The following JARID2 variants were observed in gnomAD, a reference collection of about 807,000 sequenced individuals.
JARID2 encodes jumonji and AT-rich interaction domain containing 2.
In JARID2, 21 loss-of-function variants were observed where a neutral mutation model predicts 125.6. The observed-to-expected ratio is 0.17, with a 90% CI of 0.12 to 0.24. The LOEUF is 0.24. JARID2 is among the 10% of genes least tolerant of loss of function. The probability of loss-of-function intolerance (pLI) is 1.00; values close to 1 mark genes in which losing one functional copy is unlikely to be tolerated. For synonymous variants in JARID2, 736 were observed against 661.6 expected, an observed-to-expected ratio of 1.11 and a Z score of -1.73; for missense variants, 1,303 against 1,639.6, an observed-to-expected ratio of 0.79 and a Z score of 3.55.
intron 4 of JARID2, among the ~76,000 whole-genome samples, chr6:15,456,230 A>G (rs1324254241): frequency 6.6e-6 from 1 of 152,252 alleles, no homozygotes; most frequent in Non-Finnish European, 1.5e-5. Flanking sequence ...TTGCGGAGGC[A>G]TGCTTATTTA....
At chr6:15,391,124 G>C (rs1270284736) in intron 2 of JARID2, among the ~76,000 whole-genome samples, 1 of 142,526 alleles carries the variant, frequency 7.0e-6, no homozygotes, top group Non-Finnish European at 1.6e-5. Context: ...GACACCTAAG[G>C]GACGGTTTTC....
intron 1 of JARID2, among the ~76,000 whole-genome samples, chr6:15,294,737 A>G (rs1761346368): frequency 1.3e-5 from 2 of 152,162 alleles, no homozygotes; most frequent in East Asian, 1.9e-4. Context: ...GAACCAATAC[A>G]TTGTACACTT....
Position 15,496,252 on chromosome 6 carries a change from A to G in JARID2, c.1027A>G (p.Thr343Ala), listed in dbSNP as rs1415412278. 1 of 1,614,170 alleles carries G rather than the reference A, an allele frequency of 6.2e-7. No individual in the cohort carries two copies. Residue 343 changes from threonine (T) to alanine (A), a missense_variant, in exon 7 of 18, where the codon ACG becomes GCG. This residue lies in a region of JARID2 where 651 missense variants were observed against 581.6 expected (regional missense o/e 1.12). Transcript: ENST00000341776. ...AACTGTGAAGTACACTGCCACGGTG[A>G]CGAAGGGGGCTGTCACATACACCAA... ...SKTVKYTATV[T>A]KGAVTYTKAK...
chr6:15,278,072 AC>A (rs1760603387), intron 1 of JARID2, among the ~76,000 whole-genome samples: 1 of 151,712 alleles, frequency 6.6e-6, no homozygotes. Flanking sequence ...ACATGGTGAA[AC>A]CCTGTCTCTA....
chr6:15,469,454 A>T (rs1188763850), intron 5 of JARID2, among the ~76,000 whole-genome samples: 2 of 130,678 alleles, frequency 1.5e-5, no homozygotes, highest in African/African-American at 2.9e-5. Context: ...TTCTTTTGTG[A>T]CGGAGTCTCG....
intron 8 of JARID2, among the ~76,000 whole-genome samples, chr6:15,503,503 G>A (rs941460453): frequency 2.0e-5 from 3 of 152,286 alleles, no homozygotes; most frequent in African/African-American, 7.2e-5. Flanking sequence ...GCGGTGTCCA[G>A]TGCTCCGCAG....
chr6:15,368,801 G>C (rs989304957), intron 1 of JARID2: 1 of 453,500 alleles, frequency 2.2e-6, no homozygotes, highest in Admixed American at 2.4e-5. Context: ...TGAAGCATTC[G>C]TCTTGGAGGT....
intron 1 of JARID2, among the ~76,000 whole-genome samples, chr6:15,269,349 T>C (rs1262753257): frequency 1.3e-5 from 2 of 152,078 alleles, no homozygotes; most frequent in African/African-American, 4.8e-5. Flanking sequence ...TCAATAGTAT[T>C]TGAACCTTCA....
intron 9 of JARID2, 92 bp downstream of exon 9, chr6:15,504,684 T>C (rs1770909425): frequency 3.7e-6 from 3 of 801,792 alleles, no homozygotes; most frequent in Non-Finnish European, 6.5e-6. Context: ...CCCCTGCAGC[T>C]CGGTGAACGG....
chr6:15,246,674 G>C, intron 1 of JARID2, 90 bp downstream of exon 1: 1 of 1,151,860 alleles, frequency 8.7e-7, no homozygotes, highest in Admixed American at 1.9e-5. Context: ...CCTCTGAAGG[G>C]TTTTAAACAC....
chr6:15,315,727 T>C (rs1409082906), intron 1 of JARID2, among the ~76,000 whole-genome samples: 1 of 152,194 alleles, frequency 6.6e-6, no homozygotes. Context: ...AATTCTGTTT[T>C]TTCAAGTTCT....
intron 4 of JARID2, among the ~76,000 whole-genome samples, chr6:15,453,890 A>T (rs919247138): frequency 2.0e-5 from 3 of 152,118 alleles, no homozygotes; most frequent in African/African-American, 2.4e-5. Flanking sequence ...CTGCTTTCTT[A>T]TAGGGATAAG....
At chr6:15,295,995 G>A (rs1272391665) in intron 1 of JARID2, among the ~76,000 whole-genome samples, 1 of 152,112 alleles carries the variant, frequency 6.6e-6, no homozygotes, top group African/African-American at 2.4e-5. Flanking sequence ...TATACCTCAC[G>A]CAGAGAAAGA....
chr6:15,478,619 C>T (rs1273856366), intron 5 of JARID2, among the ~76,000 whole-genome samples: 2 of 151,932 alleles, frequency 1.3e-5, no homozygotes, highest in Non-Finnish European at 2.9e-5. Flanking sequence ...ACTCTTATCA[C>T]TGACTTCAGA....
chr6:15,249,287 G>C (rs568498506), intron 1 of JARID2, among the ~76,000 whole-genome samples: 2 of 152,350 alleles, frequency 1.3e-5, no homozygotes, highest in African/African-American at 4.8e-5. Context: ...TGATGATGCT[G>C]CACAGCAGCA....
At chr6:15,470,993 G>A (rs1288316079) in intron 5 of JARID2, among the ~76,000 whole-genome samples, 1 of 152,220 alleles carries the variant, frequency 6.6e-6, no homozygotes, top group African/African-American at 2.4e-5. Context: ...AGTTCTGAAC[G>A]ATTCCTTTGG....
rs767261258 is a variant in JARID2 at position 15,496,508 on chromosome 6, G to C, written c.1283G>C (p.Arg428Pro). 6.2e-7 allele frequency: 1 copy of C among 1,606,662 alleles called. No homozygotes were observed. The highest frequency in any genetic ancestry group is 1.1e-5 in the South Asian group (1 of 90,264). The change falls in exon 7 of 18, where the codon CGG (arginine) becomes CCG (proline). Residue 428 changes from arginine (R) to proline (P), a missense_variant. Physicochemically the swap from Arg to Pro is moderately radical, Grantham distance 103. This residue lies in a region of JARID2 where 651 missense variants were observed against 581.6 expected (regional missense o/e 1.12). Transcript: ENST00000341776. ...CTKEVGGRQL[R>P]EGLQLREGLR... ...AAGGAGGTGGGGGGGCGGCAGCTGCGGGAGGGCCTGCAGCTGCGGGAGGGG... is the reference window on the plus strand; with the variant it reads ...AAGGAGGTGGGGGGGCGGCAGCTGCCGGAGGGCCTGCAGCTGCGGGAGGGG...
intron 2 of JARID2, among the ~76,000 whole-genome samples, chr6:15,378,129 C>G (rs62395382): frequency 6.6e-6 from 1 of 150,466 alleles, no homozygotes; most frequent in East Asian, 2.0e-4. Flanking sequence ...CCTTGTGATC[C>G]GCCCACCTCA....
At chr6:15,492,800 T>C (rs1446362881) in intron 6 of JARID2, among the ~76,000 whole-genome samples, 1 of 152,194 alleles carries the variant, frequency 6.6e-6, no homozygotes, top group Non-Finnish European at 1.5e-5. Context: ...TCGTAATTGT[T>C]TGAACTTCGC....
Sources: gnomAD v4.1 joint callset for allele counts (sites outside exome capture counted in the v4.1 genomes callset) on GRCh38, gnomAD v4.1.1 for gene constraint, gnomAD v4.1.1 regional missense constraint, MANE v1.5 for transcripts, NCBI Gene and HGNC (gene_info 2026-07-23, HGNC 2026-07-21) for gene names.